LTBP1: variants seen among roughly 807,000 people sequenced by gnomAD.
The protein encoded by LTBP1 is latent-transforming growth factor beta-binding protein 1.
LTBP1 carries 129 observed loss-of-function variants against 207.6 expected under a neutral mutation model. That is an observed-to-expected ratio of 0.62 (90% CI 0.54 to 0.72). The LOEUF is 0.72. Ranked by LOEUF, LTBP1 falls within the 30% of genes least tolerant of loss-of-function variation. LTBP1 has a pLI of 0.00. For missense variants in LTBP1, 2,281 were observed against 2,217.2 expected, an observed-to-expected ratio of 1.03 and a Z score of -0.58; for synonymous variants, 963 against 833.7, an observed-to-expected ratio of 1.16 and a Z score of -2.67.
chr2:33,143,980 C>T (rs534577661), intron 5 of LTBP1, among the ~76,000 whole-genome samples: 2 of 152,094 alleles, frequency 1.3e-5, no homozygotes, highest in Admixed American at 1.3e-4. Context: ...TATTCTGAGG[C>T]TCACAAGAAG....
chr2:32,959,710 T>A (rs1572828119), intron 2 of LTBP1, among the ~76,000 whole-genome samples: 1 of 146,448 alleles, frequency 6.8e-6, no homozygotes, highest in Admixed American at 7.1e-5. Flanking sequence ...AGCCTCCGCC[T>A]CTTGGGTTCC....
chr2:33,120,624 A>C (rs992641616), intron 4 of LTBP1, among the ~76,000 whole-genome samples: 1 of 152,148 alleles, frequency 6.6e-6, no homozygotes, highest in Non-Finnish European at 1.5e-5. Flanking sequence ...TGTCTTTGCT[A>C]TCGTGAATAG....
At chr2:33,024,259 G>A (rs905503341) in intron 3 of LTBP1, among the ~76,000 whole-genome samples, 2 of 152,174 alleles carry the variant, frequency 1.3e-5, no homozygotes, top group Non-Finnish European at 2.9e-5. Context: ...TAAGTGCTGT[G>A]GAGAAAATAA....
Position 33,082,523 on chromosome 2 carries a change from T to C in LTBP1, c.864-28059T>C, listed in dbSNP as rs190276936. Reference sequence around the variant, plus strand: ...GAGTGCAGGTGCGATCTCGGCTCACTGCAAGCTCCGCCTGCCTCAGCCTCC... The same window carrying C: ...GAGTGCAGGTGCGATCTCGGCTCACCGCAAGCTCCGCCTGCCTCAGCCTCC... On this transcript the variant is annotated intron_variant, in intron 3 of 33. Coordinates refer to ENST00000404816, the MANE Select transcript of LTBP1 (RefSeq NM_206943.4). Among the ~76,000 whole-genome samples, 565 of 136,112 alleles carry C rather than the reference T, an allele frequency of 4.2e-3. 3 individuals carry two copies. Among genetic ancestry groups the C allele is most frequent in the African/African-American group, 0.015 (549 of 36,254 alleles). The allele number at this position is 136,112 out of a possible 152,430, so 89.3% of individuals were successfully genotyped here.
chr2:33,210,680 C>T (rs2090245079), intron 7 of LTBP1, among the ~76,000 whole-genome samples: 1 of 152,204 alleles, frequency 6.6e-6, no homozygotes, highest in African/African-American at 2.4e-5. Context: ...TCCACATCTT[C>T]TCTGACTCTG....
At position 33,254,925 on chromosome 2, in the gene LTBP1, C is replaced by T. The variant is rs1372371520; in HGVS notation, c.2167+2081C>T. The stretch of plus-strand genomic sequence containing the variant: ...TTATTAATATCAAACACTGTTGTTT[C>T]CTGCATTTTTTTTTATTATACTTTA... On this transcript the variant is annotated intron_variant, in intron 11 of 33. Transcript: ENST00000404816. 1.5e-4 allele frequency among the ~76,000 whole-genome samples: 12 copies of T among 82,260 alleles called. 1 individual carries two copies. Among genetic ancestry groups the T allele is most frequent in the African/African-American group, 5.5e-4 (12 of 21,656 alleles). 54.0% of individuals were successfully genotyped at this position (82,260 alleles called of 152,430 possible). A position where few individuals can be genotyped will look rare whatever the true frequency, so the allele number is the denominator to read the frequency against.
chr2:33,345,234 C>T (rs962871754), intron 25 of LTBP1, among the ~76,000 whole-genome samples: 2 of 152,174 alleles, frequency 1.3e-5, no homozygotes, highest in East Asian at 1.9e-4. Flanking sequence ...CTGTTCCATG[C>T]TTTCACTGAG....
chr2:32,952,764 T>C (rs178143), intron 2 of LTBP1, among the ~76,000 whole-genome samples: 2 of 152,146 alleles, frequency 1.3e-5, no homozygotes, highest in Non-Finnish European at 2.9e-5. Context: ...TAGGCTCAGC[T>C]TTAATGAGAA....
intron 3 of LTBP1, among the ~76,000 whole-genome samples, chr2:33,063,533 G>T (rs2077364074): frequency 6.6e-6 from 1 of 152,064 alleles, no homozygotes; most frequent in Non-Finnish European, 1.5e-5. Flanking sequence ...TAATGGGCTT[G>T]TTAATTTTAA....
intron 27 of LTBP1, 75 bp downstream of exon 27, chr2:33,360,854 C>T (rs1007099543): frequency 2.2e-6 from 3 of 1,356,618 alleles, no homozygotes; most frequent in Non-Finnish European, 3.1e-6. Flanking sequence ...AATGATAACA[C>T]TCATTCCCAC....
intron 2 of LTBP1, among the ~76,000 whole-genome samples, chr2:32,975,078 C>A (rs903502753): frequency 2.0e-5 from 3 of 152,204 alleles, no homozygotes; most frequent in Non-Finnish European, 2.9e-5. Flanking sequence ...CTGGTGGTAA[C>A]AAATTCCTTT....
chr2:33,170,471 C>T (rs981445038), intron 5 of LTBP1, among the ~76,000 whole-genome samples: 2 of 152,336 alleles, frequency 1.3e-5, no homozygotes, highest in African/African-American at 2.4e-5. Context: ...CGCCATTGCC[C>T]AGGCTTGCTT....
At chr2:33,203,206 G>C (rs1318133146) in intron 7 of LTBP1, among the ~76,000 whole-genome samples, 1 of 152,162 alleles carries the variant, frequency 6.6e-6, no homozygotes, top group Non-Finnish European at 1.5e-5. Flanking sequence ...GTGTTAGCTG[G>C]TCTTGTTCCA....
intron 2 of LTBP1, among the ~76,000 whole-genome samples, chr2:32,999,320 T>A (rs1473282258): frequency 2.0e-5 from 3 of 152,198 alleles, no homozygotes; most frequent in African/African-American, 7.2e-5. Flanking sequence ...TAACCCGAGA[T>A]GCCTTAAAAA....
intron 2 of LTBP1, among the ~76,000 whole-genome samples, chr2:32,971,112 G>T (rs1680808535): frequency 6.6e-6 from 1 of 151,194 alleles, no homozygotes; most frequent in African/African-American, 2.4e-5. Context: ...TTGGTGTATA[G>T]AAATGCTTCT....
At chr2:33,309,229 G>T (rs1267544960) in intron 22 of LTBP1, among the ~76,000 whole-genome samples, 1 of 150,090 alleles carries the variant, frequency 6.7e-6, no homozygotes, top group Admixed American at 6.7e-5. Flanking sequence ...GTTGCAGTGA[G>T]CCAAGATAGC....
At chr2:33,109,494 G>T (rs894479716) in intron 3 of LTBP1, among the ~76,000 whole-genome samples, 10 of 152,144 alleles carry the variant, frequency 6.6e-5, no homozygotes, top group Non-Finnish European at 1.3e-4. Flanking sequence ...CTTCCTCAGG[G>T]AATAACTGAA....
At chr2:33,219,530 C>T (rs866186297) in intron 8 of LTBP1, among the ~76,000 whole-genome samples, 3 of 151,912 alleles carry the variant, frequency 2.0e-5, no homozygotes, top group African/African-American at 7.3e-5. Context: ...GTTGAAGAGG[C>T]GTTGCCATCT....
chr2:33,244,145 T>C (rs1047131444), intron 10 of LTBP1, among the ~76,000 whole-genome samples: 2 of 152,228 alleles, frequency 1.3e-5, no homozygotes, highest in African/African-American at 2.4e-5. Flanking sequence ...ATACGGTATT[T>C]TAAGCATTCT....
Sources: gnomAD v4.1 joint callset for allele counts (sites outside exome capture counted in the v4.1 genomes callset) on GRCh38, gnomAD v4.1.1 for gene constraint, MANE v1.5 for transcripts, NCBI Gene and HGNC (gene_info 2026-07-23, HGNC 2026-07-21) for gene names.